CRIM1: variants seen among roughly 807,000 people sequenced by gnomAD.
CRIM1 encodes the protein cysteine-rich motor neuron 1 protein.
In CRIM1, 32 loss-of-function variants were observed where a neutral mutation model predicts 116.4. The ratio of observed to expected loss-of-function variants is 0.27; its 90% CI spans 0.21 to 0.37. CRIM1 has a LOEUF of 0.37. CRIM1 is among the 10% of genes least tolerant of loss of function. The probability of loss-of-function intolerance (pLI) is 1.00; values close to 1 mark genes in which losing one functional copy is unlikely to be tolerated. For missense variants in CRIM1, 1,331 were observed against 1,354.8 expected (o/e 0.98, Z 0.28); for synonymous variants, 590 against 509.2 (o/e 1.16, Z -2.13).
In CRIM1 at chr2:36,501,311, T is replaced by A. The variant is rs182441004; in HGVS notation, c.1501+1964T>A. 1.1e-4 allele frequency among the ~76,000 whole-genome samples: 17 copies of A among 152,324 alleles called. 1 individual carries two copies. The highest frequency in any genetic ancestry group is 4.1e-4 in the African/African-American group (17 of 41,564). On this transcript the variant is annotated intron_variant, in intron 8 of 16. Coordinates refer to ENST00000280527, the MANE Select transcript of CRIM1 (RefSeq NM_016441.3). ...ACTTAACCTTAATTATTTGTCACTATTTTAAAAATATTTTTGAAGAAGATA... is the reference window on the plus strand; with the variant it reads ...ACTTAACCTTAATTATTTGTCACTAATTTAAAAATATTTTTGAAGAAGATA...
rs1016495567 is a variant in CRIM1 at position 36,550,806 on chromosome 2, T to G, written c.*2105T>G. 2 of 152,506 alleles carry G rather than the reference T, an allele frequency of 1.3e-5. No homozygotes were observed. The highest frequency in any genetic ancestry group is 2.9e-5 in the Non-Finnish European group (2 of 67,992). 9.4% of individuals were successfully genotyped at this position (152,506 alleles called of 1,614,324 possible). On this transcript the variant is annotated 3_prime_UTR_variant, in exon 17 of 17. Coordinates refer to ENST00000280527, the MANE Select transcript of CRIM1 (RefSeq NM_016441.3). ...CCATTCCTGGCATAAAAAGTCTTTA[T>G]CAAAAAAAATTGTAGATGCTTGCTT...
intron 2 of CRIM1, among the ~76,000 whole-genome samples, chr2:36,433,792 T>G (rs1462530851): frequency 6.6e-6 from 1 of 152,132 alleles, no homozygotes; most frequent in Non-Finnish European, 1.5e-5. Context: ...TTTGGCTAAG[T>G]TATACTGCAC....
At chr2:36,418,030 C>G (rs550644896) in intron 2 of CRIM1, among the ~76,000 whole-genome samples, 26 of 152,236 alleles carry the variant, frequency 1.7e-4, no homozygotes, top group Non-Finnish European at 2.6e-4. Flanking sequence ...CTGTGCAGCA[C>G]TGGGTGGCAG....
At chr2:36,422,181 A>G (rs775818946) in intron 2 of CRIM1, among the ~76,000 whole-genome samples, 2 of 151,162 alleles carry the variant, frequency 1.3e-5, no homozygotes, top group South Asian at 4.2e-4. Context: ...TATAAGTCCT[A>G]TTATTTTGTT....
chr2:36,464,065 G>T (rs185773656), intron 4 of CRIM1, among the ~76,000 whole-genome samples: 1 of 152,086 alleles, frequency 6.6e-6, no homozygotes, highest in East Asian at 1.9e-4. Flanking sequence ...ATTGAACCAG[G>T]AGTCAGAAAA....
intron 12 of CRIM1, among the ~76,000 whole-genome samples, chr2:36,518,730 T>G (rs573423856): frequency 6.6e-6 from 1 of 152,216 alleles, no homozygotes; most frequent in Non-Finnish European, 1.5e-5. Flanking sequence ...CCTAATTTGT[T>G]GTCATCACAA....
At chr2:36,514,221 T>A (rs1194509725) in intron 11 of CRIM1, among the ~76,000 whole-genome samples, 1 of 152,246 alleles carries the variant, frequency 6.6e-6, no homozygotes, top group Admixed American at 6.5e-5. Flanking sequence ...TGCTCTTTTT[T>A]AAATTAATAG....
intron 4 of CRIM1, among the ~76,000 whole-genome samples, chr2:36,460,181 A>G (rs947665664): frequency 2.0e-5 from 3 of 152,114 alleles, no homozygotes; most frequent in Non-Finnish European, 4.4e-5. Context: ...TTAATGTGGT[A>G]CCTCGATTGA....
intron 1 of CRIM1, among the ~76,000 whole-genome samples, chr2:36,367,554 G>T (rs1669680777): frequency 6.6e-6 from 1 of 152,158 alleles, no homozygotes; most frequent in Admixed American, 6.5e-5. Flanking sequence ...TGAATCAGAT[G>T]ATATCTTAAG....
chr2:36,516,183 T>A (rs1408959469), intron 11 of CRIM1, among the ~76,000 whole-genome samples: 1 of 152,208 alleles, frequency 6.6e-6, no homozygotes, highest in Non-Finnish European at 1.5e-5. Context: ...TTGTTGACTC[T>A]CATGCTAACC....
At chr2:36,442,332 C>A (rs775579953) in intron 3 of CRIM1, among the ~76,000 whole-genome samples, 11 of 151,956 alleles carry the variant, frequency 7.2e-5, no homozygotes, top group Non-Finnish European at 1.3e-4. Flanking sequence ...ATCAGAAATG[C>A]CTCTGGCTAA....
chr2:36,511,234 C>G (rs561021499), intron 9 of CRIM1, among the ~76,000 whole-genome samples: 8 of 152,270 alleles, frequency 5.3e-5, no homozygotes, highest in African/African-American at 1.9e-4. Context: ...AGCCACTGTG[C>G]CTGGCCTAGT....
At chr2:36,509,435 G>C (rs1681663290) in intron 8 of CRIM1, among the ~76,000 whole-genome samples, 1 of 152,170 alleles carries the variant, frequency 6.6e-6, no homozygotes, top group African/African-American at 2.4e-5. Context: ...GCTGAGGTGG[G>C]AGAATCACTT....
chr2:36,524,376 T>C (rs848520), intron 13 of CRIM1, among the ~76,000 whole-genome samples: 118,198 of 152,156 alleles, frequency 0.78, 46,210 homozygotes, highest in East Asian at 0.98. Context: ...AACTAAGCTA[T>C]TCTTTCAGGC....
At chr2:36,386,505 C>G (rs1304414691) in intron 1 of CRIM1, among the ~76,000 whole-genome samples, 1 of 152,228 alleles carries the variant, frequency 6.6e-6, no homozygotes, top group Non-Finnish European at 1.5e-5. Context: ...CTTTCTTCCT[C>G]TACCAACAAA....
chr2:36,356,684 T>A lies in CRIM1; in HGVS notation c.331+61T>A. 6.7e-7 allele frequency: 1 copy of A among 1,502,862 alleles called. No individual in the cohort carries two copies. 93.1% of individuals were successfully genotyped at this position (1,502,862 alleles called of 1,614,324 possible). ...CCTGCGCCGCCCCCTCGGCGCTGGT[T>A]GTGCCGAACAAAGTTTGGGCGAGAC... On this transcript the variant is annotated intron_variant, in intron 1 of 16. Transcript: ENST00000280527. This position sits in a 1 kb window ranked among gnomAD's most constrained non-coding sequence, Gnocchi z 4.3.
intron 1 of CRIM1, among the ~76,000 whole-genome samples, chr2:36,386,585 C>G (rs916654707): frequency 6.6e-6 from 1 of 152,230 alleles, no homozygotes; most frequent in African/African-American, 2.4e-5. Flanking sequence ...TGCTCGTCCT[C>G]TCTATCCCTA....
rs751929698 is a variant in CRIM1, at chr2:36,441,406, G to A, written c.654G>A (p.Leu218=). The A allele has an allele frequency of 2.5e-6, 4 of 1,614,162 alleles. No homozygotes were observed. Among genetic ancestry groups the A allele is most frequent in the Non-Finnish European group, 3.4e-6 (4 of 1,180,038 alleles). ...GCGTGTGCAACCCCGCAGGCTGTCT[G>A]CGCAAAGTCTGCCAGCCGGGAAACC... ...SRCVCNPAGC[L]RKVCQPGNLN... Residue 218 remains leucine, a synonymous_variant, in exon 3 of 17, where the codon CTG becomes CTA. Transcript: ENST00000280527.
intron 13 of CRIM1, among the ~76,000 whole-genome samples, chr2:36,525,433 C>T (rs1381472970): frequency 6.6e-6 from 1 of 152,196 alleles, no homozygotes; most frequent in African/African-American, 2.4e-5. Flanking sequence ...CCAGCACAAG[C>T]ACACCCAAAG....
Sources: gnomAD v4.1 joint callset for allele counts (sites outside exome capture counted in the v4.1 genomes callset) on GRCh38, gnomAD v4.1.1 for gene constraint, Gnocchi (gnomAD v3.1) non-coding constraint, MANE v1.5 for transcripts, NCBI Gene and HGNC (gene_info 2026-07-23, HGNC 2026-07-21) for gene names.